FRMPD3: variants seen among roughly 807,000 people sequenced by gnomAD.
FRMPD3 encodes the protein FERM and PDZ domain containing 3.
A neutral mutation model predicts 97.9 loss-of-function variants in FRMPD3; 42 were observed. The ratio of observed to expected loss-of-function variants is 0.43; its 90% CI spans 0.34 to 0.55. FRMPD3 has a LOEUF of 0.55. Ranked by LOEUF, FRMPD3 falls within the 20% of genes least tolerant of loss-of-function variation. FRMPD3 has a pLI of 0.03. For synonymous variants in FRMPD3, 577 were observed against 581.1 expected (o/e 0.99, Z 0.10); for missense variants, 1,303 against 1,457.7 (o/e 0.89, Z 1.73).
At chrX:107,547,709 C>T (rs1027230998) in intron 5 of FRMPD3, among the ~76,000 whole-genome samples, 5 of 111,576 alleles carry the variant, frequency 4.5e-5, no homozygotes, top group African/African-American at 9.8e-5. Context: ...GGTCGGGAGC[C>T]GGGGGAGTCC....
At chrX:107,514,242 G>A (rs761179221) in intron 1 of FRMPD3, among the ~76,000 whole-genome samples, 4 of 111,899 alleles carry the variant, frequency 3.6e-5, no homozygotes, top group Non-Finnish European at 7.5e-5. Flanking sequence ...AAGAGATCAC[G>A]CAGGGCCTTA....
intron 13 of FRMPD3, among the ~76,000 whole-genome samples, chrX:107,588,247 ATCT>A (rs1184978327): frequency 3.4e-4 from 35 of 104,262 alleles, no homozygotes; most frequent in South Asian, 8.4e-4. Flanking sequence ...CTTGTGGTTG[ATCT>A]TCTTCTTCTT....
chrX:107,529,773 G>A (rs1306035960), intron 2 of FRMPD3, among the ~76,000 whole-genome samples: 1 of 111,332 alleles, frequency 9.0e-6, no homozygotes, highest in African/African-American at 3.3e-5. Flanking sequence ...TTCCAGACTA[G>A]TAAGTATGAA....
At chrX:107,486,602 A>G (rs1921510049) in intron 1 of FRMPD3, among the ~76,000 whole-genome samples, 1 of 112,222 alleles carries the variant, frequency 8.9e-6, no homozygotes, top group African/African-American at 3.2e-5. Context: ...TGAAGAGATT[A>G]TTCTTTTGCC....
chrX:107,573,104 G>A (rs1260431594), intron 12 of FRMPD3, among the ~76,000 whole-genome samples: 1 of 110,837 alleles, frequency 9.0e-6, no homozygotes, highest in Non-Finnish European at 1.9e-5. Context: ...ACAAACAAAC[G>A]AGGCATACAT....
At chrX:107,571,620 T>G (rs1206052280) in intron 12 of FRMPD3, among the ~76,000 whole-genome samples, 3 of 111,579 alleles carry the variant, frequency 2.7e-5, no homozygotes, top group African/African-American at 9.8e-5. Context: ...GAAACTGAAG[T>G]GGTCAGACAA....
intron 1 of FRMPD3, among the ~76,000 whole-genome samples, chrX:107,468,207 C>G (rs921641047): frequency 1.8e-5 from 2 of 111,936 alleles, no homozygotes; most frequent in Non-Finnish European, 3.8e-5. Flanking sequence ...TTTTACTCCC[C>G]GAAGTATGGT....
At position 107,484,721 on chromosome X, in the gene FRMPD3, T is replaced by C. The variant is rs754885645; in HGVS notation, c.-8+34716T>C. ...GGCAGAAGGCTGAGGTGCCTATCCATGGATCGCCAAAAATAGAAAAGTCCA... is the reference window on the plus strand; with the variant it reads ...GGCAGAAGGCTGAGGTGCCTATCCACGGATCGCCAAAAATAGAAAAGTCCA... On this transcript the variant is annotated intron_variant, in intron 1 of 14. Transcript: ENST00000683843. 5.3e-5 allele frequency among the ~76,000 whole-genome samples: 6 copies of C among 112,230 alleles called. No homozygotes were observed. In the East Asian group the frequency reaches 1.1e-3, roughly 21 times the overall value.
intron 12 of FRMPD3, among the ~76,000 whole-genome samples, chrX:107,575,746 G>A (rs886568855): frequency 8.9e-6 from 1 of 112,430 alleles, no homozygotes; most frequent in African/African-American, 3.2e-5. Context: ...CCACCGCGCC[G>A]GGCCGAGCAT....
chrX:107,509,084 C>A (rs967297952), intron 1 of FRMPD3, among the ~76,000 whole-genome samples: 2 of 111,774 alleles, frequency 1.8e-5, no homozygotes, highest in African/African-American at 3.3e-5. Context: ...TCGCCCCGCT[C>A]CCCCCAGCTT....
At chrX:107,497,726 C>G (rs1921808570) in intron 1 of FRMPD3, among the ~76,000 whole-genome samples, 1 of 112,521 alleles carries the variant, frequency 8.9e-6, no homozygotes, top group African/African-American at 3.2e-5. Context: ...TGAATTCTTA[C>G]AACCAGAATG....
intron 13 of FRMPD3, among the ~76,000 whole-genome samples, chrX:107,593,174 C>T (rs965802720): frequency 2.7e-5 from 3 of 111,192 alleles, no homozygotes; most frequent in Admixed American, 9.6e-5. Context: ...TCCCTATGCT[C>T]GGCCATTTGT....
At chrX:107,493,687 A>G (rs1921714483) in intron 1 of FRMPD3, among the ~76,000 whole-genome samples, 1 of 111,701 alleles carries the variant, frequency 9.0e-6, no homozygotes, top group African/African-American at 3.3e-5. Context: ...TTATAAGAAA[A>G]TTTTCATTTT....
At chrX:107,455,917 T>A (rs1265318879) in intron 1 of FRMPD3, among the ~76,000 whole-genome samples, 1 of 111,634 alleles carries the variant, frequency 9.0e-6, no homozygotes, top group Non-Finnish European at 1.9e-5. Context: ...ACTACTCAAA[T>A]GAATGACTTC....
At chrX:107,536,983 A>C (rs1406285518) in intron 4 of FRMPD3, among the ~76,000 whole-genome samples, 1 of 111,265 alleles carries the variant, frequency 9.0e-6, no homozygotes, top group Non-Finnish European at 1.9e-5. Context: ...GTCCAAACTT[A>C]GGTGCAGAAT....
At chrX:107,559,732 C>T (rs1359059214) in intron 8 of FRMPD3, among the ~76,000 whole-genome samples, 2 of 110,869 alleles carry the variant, frequency 1.8e-5, no homozygotes, top group Non-Finnish European at 3.8e-5. Flanking sequence ...GGAAGATTGA[C>T]TCATCAACAT....
chrX:107,541,613 A>G (rs1921306009), intron 4 of FRMPD3, among the ~76,000 whole-genome samples: 1 of 112,670 alleles, frequency 8.9e-6, no homozygotes, highest in South Asian at 3.7e-4. Flanking sequence ...TGGTACAAAC[A>G]GAAACTCTCT....
Position 107,568,563 on chromosome X carries a change from A to G in FRMPD3, c.1296+3497A>G, listed in dbSNP as rs1447734218. ...TGTCTCCACTAAATCTCCACTAAAA[A>G]TGCAAAAAAAAAAAAAAAAAATCAG... On this transcript the variant is annotated intron_variant, in intron 12 of 14. Transcript: ENST00000683843. 3.1e-5 allele frequency among the ~76,000 whole-genome samples: 3 copies of G among 96,324 alleles called. No homozygotes were observed. In the East Asian group the frequency reaches 9.9e-4, roughly 32 times the overall value. The allele number at this position is 96,324 out of a possible 115,157, so 83.6% of individuals were successfully genotyped here.
At position 107,597,814 on chromosome X, in the gene FRMPD3, A is replaced by G; in HGVS notation, c.1935A>G (p.Pro645=). 2.5e-6 allele frequency: 3 copies of G among 1,182,853 alleles called. No homozygotes were observed. In the Middle Eastern group the frequency reaches 6.9e-4, roughly 273 times the overall value. Residue 645 remains proline, a synonymous_variant, in exon 14 of 15, where the codon CCA becomes CCG. Transcript: ENST00000683843. The part of the protein sequence containing the change: ...RDNIVDLMSL[P]PPGSEEEEEE... ...ATATAGTAGATTTGATGTCCCTCCC[A>G]CCACCTGGGAGTGAGGAGGAGGAGG...
Sources: gnomAD v4.1 joint callset for allele counts (sites outside exome capture counted in the v4.1 genomes callset) on GRCh38, gnomAD v4.1.1 for gene constraint, MANE v1.5 for transcripts, NCBI Gene and HGNC (gene_info 2026-07-23, HGNC 2026-07-21) for gene names.